Variants in XRN1 observed in about 807,000 individuals in gnomAD.
XRN1 encodes 5'-3' exoribonuclease 1, also known as strand-exchange protein 1 homolog.
A neutral mutation model predicts 222.3 loss-of-function variants in XRN1; 67 were observed. The ratio of observed to expected loss-of-function variants is 0.30; its 90% CI spans 0.25 to 0.37. The LOEUF (loss-of-function observed/expected upper bound fraction) is 0.37, where lower values mean the gene tolerates loss of function less well. Ranked by LOEUF, XRN1 falls within the 10% of genes least tolerant of loss-of-function variation. The pLI, the probability that XRN1 is intolerant of heterozygous loss-of-function variation, is 1.00. For synonymous variants in XRN1, 643 were observed against 652.4 expected (o/e 0.99, Z 0.22); for missense variants, 1,707 against 2,000.2 (o/e 0.85, Z 2.80).
intron 20 of XRN1, among the ~76,000 whole-genome samples, chr3:142,385,139 G>A (rs1395460914): frequency 6.6e-6 from 1 of 152,038 alleles, no homozygotes; most frequent in African/African-American, 2.4e-5. Context: ...CCCCCGGATT[G>A]GAAACAGGTA....
chr3:142,431,859 TATATA>T lies in XRN1; in HGVS notation c.308+797_308+801del, dbSNP rs1414605543. On this transcript the variant is annotated intron_variant, in intron 2 of 40. Coordinates refer to ENST00000392981, the MANE Select transcript of XRN1 (RefSeq NM_001282857.2). ...ATAATATTAAAAAATATATATATTA[TATATA>T]ATATATTATATTATATATATTATAT... Among the ~76,000 whole-genome samples, 306 of 33,164 alleles carry T rather than the reference TATATA, an allele frequency of 9.2e-3. 2 individuals are homozygous for T. Among genetic ancestry groups the T allele is most frequent in the Non-Finnish European group, 0.012 (258 of 20,888 alleles). The allele number at this position is 33,164 out of a possible 152,430, so 21.8% of individuals were successfully genotyped here. A position where few individuals can be genotyped will look rare whatever the true frequency, so the allele number is the denominator to read the frequency against.
At chr3:142,336,796 G>A (rs1175013076) in intron 33 of XRN1, among the ~76,000 whole-genome samples, 1 of 151,988 alleles carries the variant, frequency 6.6e-6, no homozygotes, top group African/African-American at 2.4e-5. Flanking sequence ...AACTCAAATA[G>A]TTTACATACA....
chr3:142,365,198 TTAATTA>T lies in XRN1; in HGVS notation c.3262-25_3262-20del, dbSNP rs1396209460. ...CTAAAGGCTGAAGAGAAGAAAGCTA[TTAATTA>T]TAATAAACAAAAAAATTTTCATACT... is the stretch of plus-strand genomic sequence containing the variant. On this transcript the variant is annotated intron_variant, in intron 28 of 40. Coordinates refer to ENST00000392981, the MANE Select transcript of XRN1 (RefSeq NM_001282857.2). 6.3e-7 allele frequency: 1 copy of T among 1,589,034 alleles called. No individual in the cohort carries two copies. Among genetic ancestry groups the T allele is most frequent in the Non-Finnish European group, 8.5e-7 (1 of 1,172,180 alleles).
chr3:142,419,457 G>T (rs940205668), intron 10 of XRN1, among the ~76,000 whole-genome samples: 1 of 152,166 alleles, frequency 6.6e-6, no homozygotes, highest in African/African-American at 2.4e-5. Context: ...CCCTCCTGGA[G>T]CAAGAGTCAT....
At chr3:142,405,312 C>T (rs1229933027) in intron 15 of XRN1, among the ~76,000 whole-genome samples, 1 of 152,064 alleles carries the variant, frequency 6.6e-6, no homozygotes, top group East Asian at 1.9e-4. Context: ...AGCTATTACC[C>T]CAACAGTTGC....
chr3:142,315,512 C>CT (rs67808281), intron 39 of XRN1, among the ~76,000 whole-genome samples: 415 of 140,794 alleles, frequency 2.9e-3, no homozygotes, highest in African/African-American at 6.9e-3. Flanking sequence ...TTTTCTTTTT[C>CT]TTTTTTTTTT....
chr3:142,414,351 A>C, intron 13 of XRN1, 60 bp from the exon 14 acceptor site: 2 of 1,251,570 alleles, frequency 1.6e-6, no homozygotes. Context: ...TTAATAATAA[A>C]CATATACTTT....
At chr3:142,369,878 T>C (rs1321255447) in intron 27 of XRN1, among the ~76,000 whole-genome samples, 1 of 151,362 alleles carries the variant, frequency 6.6e-6, no homozygotes, top group Non-Finnish European at 1.5e-5. Flanking sequence ...AAATGCCGTC[T>C]CTACTAAAAA....
chr3:142,314,316 T>A (rs141173364), intron 39 of XRN1, among the ~76,000 whole-genome samples: 15 of 152,252 alleles, frequency 9.9e-5, no homozygotes, highest in Admixed American at 9.8e-4. Context: ...TTAGTAGGTA[T>A]GAATAAACTA....
chr3:142,373,865 C>T (rs1187275208), intron 25 of XRN1, among the ~76,000 whole-genome samples: 2 of 152,046 alleles, frequency 1.3e-5, no homozygotes, highest in Non-Finnish European at 2.9e-5. Flanking sequence ...GCCTGTAATC[C>T]CAGCTACTCG....
In XRN1 at chr3:142,365,084, T is replaced by C. The variant is rs572283102; in HGVS notation, c.3357A>G (p.Pro1119=). The change falls in exon 29 of 41, where the codon CCA becomes CCG. Residue 1119 remains proline (P), a synonymous_variant. Transcript: ENST00000392981. Reference sequence around the variant, plus strand: ...CTATGATGGTGCCTCGAAGGCCAACTGGAACTGAGAAGTTTTCTCTCACAT... The same window carrying C: ...CTATGATGGTGCCTCGAAGGCCAACCGGAACTGAGAAGTTTTCTCTCACAT... ...VVNVRENFSV[P]VGLRGTIIGI... 1.2e-6 allele frequency: 2 copies of C among 1,613,508 alleles called. No homozygotes were observed. The highest frequency in any genetic ancestry group is 2.7e-5 in the African/African-American group (2 of 75,012).
chr3:142,401,056 ACAG>A (rs770810460), intron 18 of XRN1, among the ~76,000 whole-genome samples: 19 of 152,364 alleles, frequency 1.2e-4, no homozygotes, highest in Admixed American at 6.5e-4. Flanking sequence ...AATAAAAAGA[ACAG>A]CAGAAATATC....
chr3:142,335,623 C>A, intron 33 of XRN1, 114 bp from the exon 34 acceptor site: 1 of 930,202 alleles, frequency 1.1e-6, no homozygotes, highest in Non-Finnish European at 1.7e-6. Context: ...AATTTCAAGA[C>A]ACAGTCTCTG....
intron 20 of XRN1, among the ~76,000 whole-genome samples, chr3:142,387,590 C>A (rs1373169802): frequency 6.6e-6 from 1 of 152,092 alleles, no homozygotes; most frequent in Non-Finnish European, 1.5e-5. Context: ...CCAGTACATA[C>A]CAAAGTTATG....
intron 33 of XRN1, among the ~76,000 whole-genome samples, chr3:142,336,523 T>C (rs1350141242): frequency 7.0e-6 from 1 of 143,104 alleles, no homozygotes; most frequent in East Asian, 2.0e-4. Context: ...AGGGGAATAG[T>C]GAGGAGGGCA....
intron 23 of XRN1, among the ~76,000 whole-genome samples, chr3:142,379,403 G>A (rs537632214): frequency 2.0e-5 from 3 of 152,324 alleles, no homozygotes; most frequent in African/African-American, 7.2e-5. Flanking sequence ...AGACATGCAA[G>A]TTTTCTCAGA....
At chr3:142,437,559 C>A (rs1186365756) in intron 1 of XRN1, among the ~76,000 whole-genome samples, 1 of 152,214 alleles carries the variant, frequency 6.6e-6, no homozygotes, top group Admixed American at 6.5e-5. Flanking sequence ...ATCCTATATT[C>A]TTTCCTCTTT....
At chr3:142,403,564 T>G in intron 18 of XRN1, 110 bp downstream of exon 18, 1 of 940,852 alleles carries the variant, frequency 1.1e-6, no homozygotes, top group South Asian at 1.7e-5. Flanking sequence ...TTATTTAGGC[T>G]CCAAATTTCT....
chr3:142,345,713 T>TAA (rs1375113452), intron 33 of XRN1, among the ~76,000 whole-genome samples: 1 of 152,102 alleles, frequency 6.6e-6, no homozygotes, highest in African/African-American at 2.4e-5. Context: ...GAAAAAAGAT[T>TAA]AAAAAATCCA....
Sources: gnomAD v4.1 joint callset for allele counts (sites outside exome capture counted in the v4.1 genomes callset) on GRCh38, gnomAD v4.1.1 for gene constraint, MANE v1.5 for transcripts, NCBI Gene and HGNC (gene_info 2026-07-23, HGNC 2026-07-21) for gene names.